The following AAK1 variants were observed in gnomAD, a reference collection of about 807,000 sequenced individuals.
AAK1 encodes the protein AP2 associated kinase 1, also known as AP2-associated protein kinase 1.
AAK1 carries 37 observed loss-of-function variants against 116.0 expected under a neutral mutation model. The observed-to-expected ratio is 0.32, with a 90% CI of 0.25 to 0.42. AAK1 has a LOEUF of 0.42. Among genes scored for constraint, AAK1 ranks in the 10% least tolerant of loss-of-function variants. The pLI, the probability that AAK1 is intolerant of heterozygous loss-of-function variation, is 1.00. For missense variants in AAK1, 919 were observed against 1,170.6 expected (o/e 0.79, Z 3.14); for synonymous variants, 458 against 439.9 (o/e 1.04, Z -0.51).
Position 69,489,450 on chromosome 2 carries a change from C to CAAAA in AAK1, c.2365+6531_2365+6534dup, listed in dbSNP as rs70954346. On this transcript the variant is annotated intron_variant, in intron 17 of 21. Transcript: ENST00000409085. ...TGGGCGACAGAGCGAGACTCCGTCT[C>CAAAA]AAAAAAAAAAAAAAAAAGAGGACAG... Among the ~76,000 whole-genome samples the CAAAA allele has an allele frequency of 3.3e-3, 397 of 119,300 alleles. 3 individuals are homozygous for CAAAA. Among genetic ancestry groups the CAAAA allele is most frequent in the Admixed American group, 0.011 (128 of 11,950 alleles). The allele number at this position is 119,300 out of a possible 152,430, so 78.3% of individuals were successfully genotyped here.
intron 2 of AAK1, among the ~76,000 whole-genome samples, chr2:69,605,924 C>CA (rs1470071676): frequency 6.6e-6 from 1 of 152,122 alleles, no homozygotes; most frequent in Non-Finnish European, 1.5e-5. Flanking sequence ...TCATCTGTGG[C>CA]ATTCAAGGCC....
rs116748025 is a variant in AAK1 at position 69,463,888 on chromosome 2, T to C, written c.*11981A>G. ...TGGTCTTGAACTTCCTGGGCTCAAC[T>C]GATCCTCCTGCCTCAGCCTTCCAAA... is the stretch of plus-strand genomic sequence containing the variant. On this transcript the variant is annotated 3_prime_UTR_variant, in exon 22 of 22. Coordinates refer to ENST00000409085, the MANE Select transcript of AAK1 (RefSeq NM_014911.5). 3.5e-3 allele frequency: 534 copies of C among 152,506 alleles called. 3 individuals are homozygous for C. Among genetic ancestry groups the C allele is most frequent in the Admixed American group, 5.7e-3 (87 of 15,268 alleles). The allele number at this position is 152,506 out of a possible 1,614,324, so 9.4% of individuals were successfully genotyped here.
At chr2:69,495,873 T>C in intron 17 of AAK1, 112 bp downstream of exon 17, 1 of 833,562 alleles carries the variant, frequency 1.2e-6, no homozygotes, top group South Asian at 1.9e-5. Context: ...CAGCCTATTA[T>C]TAGGGCTTGG....
At position 69,513,347 on chromosome 2, in the gene AAK1, T is replaced by C. The variant is rs188175467; in HGVS notation, c.1776+1124A>G. Among the ~76,000 whole-genome samples, 108 of 150,090 alleles carry C rather than the reference T, an allele frequency of 7.2e-4. 1 individual carries two copies. The highest frequency in any genetic ancestry group is 1.5e-3 in the Admixed American group (22 of 15,042). The stretch of plus-strand genomic sequence containing the variant: ...TTTCTTTTTTTTTTTTGAGATGGAG[T>C]CTTGCTCTGTGGCCCAGGCTGGAGT... On this transcript the variant is annotated intron_variant, in intron 13 of 21. Coordinates refer to ENST00000409085, the MANE Select transcript of AAK1 (RefSeq NM_014911.5).
At position 69,468,764 on chromosome 2, in the gene AAK1, G is replaced by A; in HGVS notation, c.*7105C>T. On this transcript the variant is annotated 3_prime_UTR_variant, in exon 22 of 22. Coordinates refer to ENST00000409085, the MANE Select transcript of AAK1 (RefSeq NM_014911.5). ...GTGCTAGATTACATTTTGAGAACTAGGAAGTACCAAGGGGTGTGTGTATGT... is the reference window on the plus strand; with the variant it reads ...GTGCTAGATTACATTTTGAGAACTAAGAAGTACCAAGGGGTGTGTGTATGT... 6 of 985,392 alleles carry A rather than the reference G, an allele frequency of 6.1e-6. No individual in the cohort carries two copies. The highest frequency in any genetic ancestry group is 7.2e-6 in the Non-Finnish European group (6 of 829,886). 61.0% of individuals were successfully genotyped at this position (985,392 alleles called of 1,614,324 possible). A position where few individuals can be genotyped will look rare whatever the true frequency, so the allele number is the denominator to read the frequency against.
chr2:69,544,268 T>C, intron 4 of AAK1, 168 bp downstream of exon 4: 1 of 594,994 alleles, frequency 1.7e-6, no homozygotes, highest in South Asian at 2.2e-5. Flanking sequence ...TTTGTACCGT[T>C]ATAAGAATAA....
chr2:69,636,192 G>C (rs1675437672), intron 2 of AAK1, among the ~76,000 whole-genome samples: 1 of 150,756 alleles, frequency 6.6e-6, no homozygotes, highest in South Asian at 2.1e-4. Context: ...GGCTTAAAAA[G>C]ATTTCTACTA....
At chr2:69,608,645 C>T (rs932854777) in intron 2 of AAK1, among the ~76,000 whole-genome samples, 8 of 152,010 alleles carry the variant, frequency 5.3e-5, no homozygotes, top group African/African-American at 1.2e-4. Context: ...ATTGGAAAAG[C>T]GAAACAAATT....
At position 69,465,684 on chromosome 2, in the gene AAK1, T is replaced by C. The variant is rs907817910; in HGVS notation, c.*10185A>G. 6 of 1,290,830 alleles carry C rather than the reference T, an allele frequency of 4.6e-6. No homozygotes were observed. The African/African-American group carries it at 9.1e-5, about 20-fold the overall frequency. 80.0% of individuals were successfully genotyped at this position (1,290,830 alleles called of 1,614,324 possible). A position where few individuals can be genotyped will look rare whatever the true frequency, so the allele number is the denominator to read the frequency against. Reference sequence around the variant, plus strand: ...GCCAGCCATGGGGCCTGAGACAGCTTCTTTCTGGAGCTGAGGTCCTTTGTT... The same window carrying C: ...GCCAGCCATGGGGCCTGAGACAGCTCCTTTCTGGAGCTGAGGTCCTTTGTT... On this transcript the variant is annotated 3_prime_UTR_variant, in exon 22 of 22. Coordinates refer to ENST00000409085, the MANE Select transcript of AAK1 (RefSeq NM_014911.5).
chr2:69,530,784 T>A, intron 6 of AAK1, 78 bp from the exon 7 acceptor site: 1 of 1,146,912 alleles, frequency 8.7e-7, no homozygotes, highest in Admixed American at 1.9e-5. Flanking sequence ...AATACTTTTT[T>A]TCTTTTTACA....
Position 69,467,775 on chromosome 2 carries a change from C to G in AAK1, c.*8094G>C. The stretch of plus-strand genomic sequence containing the variant: ...TTTCTGCATGAATTAAGCACACAGA[C>G]CACAGCAGAAGAGGCATTAAAATCA... On this transcript the variant is annotated 3_prime_UTR_variant, in exon 22 of 22. Transcript: ENST00000409085. 1.0e-6 allele frequency: 1 copy of G among 985,382 alleles called. No individual in the cohort carries two copies. Among genetic ancestry groups the G allele is most frequent in the Non-Finnish European group, 1.2e-6 (1 of 829,930 alleles). 61.0% of individuals were successfully genotyped at this position (985,382 alleles called of 1,614,324 possible).
Position 69,487,787 on chromosome 2 carries a change from C to CT in AAK1, c.2366-4976dup, listed in dbSNP as rs1177565486. On this transcript the variant is annotated intron_variant, in intron 17 of 21. Coordinates refer to ENST00000409085, the MANE Select transcript of AAK1 (RefSeq NM_014911.5). ...TGCATTAGTATTTTTTGTTTGTTTG[C>CT]TTTTTTTTTTTTTTTTTTTGAGACA... 7.0e-3 allele frequency among the ~76,000 whole-genome samples: 861 copies of CT among 122,770 alleles called. 9 individuals are homozygous for CT. Among genetic ancestry groups the CT allele is most frequent in the East Asian group, 0.011 (49 of 4,348 alleles). 80.5% of individuals were successfully genotyped at this position (122,770 alleles called of 152,430 possible). A position where few individuals can be genotyped will look rare whatever the true frequency, so the allele number is the denominator to read the frequency against.
chr2:69,618,440 G>A (rs1674437014), intron 2 of AAK1, among the ~76,000 whole-genome samples: 1 of 152,140 alleles, frequency 6.6e-6, no homozygotes. Context: ...TCCTGCACCA[G>A]CCAATATCAC....
intron 2 of AAK1, among the ~76,000 whole-genome samples, chr2:69,559,064 A>G (rs1671516926): frequency 6.6e-6 from 1 of 152,116 alleles, no homozygotes; most frequent in African/African-American, 2.4e-5. Flanking sequence ...CCGAATGTGG[A>G]CTGTGATAAT....
rs569749268 is a variant in AAK1 at position 69,643,727 on chromosome 2, C to A, written c.-387G>T. 1.7e-5 allele frequency: 20 copies of A among 1,211,296 alleles called. No homozygotes were observed. In the South Asian group the frequency reaches 7.6e-4, roughly 46 times the overall value. 75.0% of individuals were successfully genotyped at this position (1,211,296 alleles called of 1,614,324 possible). ...CGCCCGCCAGCTGATCCCGGGAGCG[C>A]CGGGCGGAGACTGACCCGCCGCCCC... On this transcript the variant is annotated 5_prime_UTR_variant, in exon 1 of 22. Transcript: ENST00000409085.
intron 8 of AAK1, 119 bp downstream of exon 8, chr2:69,529,889 A>T: frequency 1.1e-6 from 1 of 928,636 alleles, no homozygotes; most frequent in South Asian, 2.0e-5. Flanking sequence ...AATCATTATC[A>T]ACTAATTTCT....
intron 3 of AAK1, among the ~76,000 whole-genome samples, chr2:69,548,965 C>A (rs1671055869): frequency 6.6e-6 from 1 of 152,148 alleles, no homozygotes; most frequent in African/African-American, 2.4e-5. Context: ...ACAGACAGCC[C>A]TCACCCGTTA....
At position 69,464,853 on chromosome 2, in the gene AAK1, G is replaced by A. The variant is rs1249051748; in HGVS notation, c.*11016C>T. ...ACACAGACTGAGAATCAGATCTGGA[G>A]ACTCCTAGAGCTGCTGCTTCTACAG... On this transcript the variant is annotated 3_prime_UTR_variant, in exon 22 of 22. Transcript: ENST00000409085. The A allele has an allele frequency of 6.5e-6, 1 of 153,634 alleles. No homozygotes were observed. The highest frequency in any genetic ancestry group is 1.4e-5 in the Non-Finnish European group (1 of 69,170). The allele number at this position is 153,634 out of a possible 1,614,324, so 9.5% of individuals were successfully genotyped here.
In AAK1 at chr2:69,474,750, C is replaced by A; in HGVS notation, c.*1119G>T. 1.0e-6 allele frequency: 1 copy of A among 985,642 alleles called. No homozygotes were observed. Among genetic ancestry groups the A allele is most frequent in the South Asian group, 4.7e-5 (1 of 21,262 alleles). 61.1% of individuals were successfully genotyped at this position (985,642 alleles called of 1,614,324 possible). A position where few individuals can be genotyped will look rare whatever the true frequency, so the allele number is the denominator to read the frequency against. On this transcript the variant is annotated 3_prime_UTR_variant, in exon 22 of 22. Coordinates refer to ENST00000409085, the MANE Select transcript of AAK1 (RefSeq NM_014911.5). ...AAAGCTTATAGCACACAAGTCTATT[C>A]AAAATGATTCCATATGTTACACTGT...
Sources: gnomAD v4.1 joint callset for allele counts (sites outside exome capture counted in the v4.1 genomes callset) on GRCh38, gnomAD v4.1.1 for gene constraint, MANE v1.5 for transcripts, NCBI Gene and HGNC (gene_info 2026-07-23, HGNC 2026-07-21) for gene names.